The following PTPRN2 variants were observed in gnomAD, a reference collection of about 807,000 sequenced individuals.
PTPRN2 encodes receptor-type tyrosine-protein phosphatase N2.
PTPRN2 carries 74 observed loss-of-function variants against 118.8 expected under a neutral mutation model. The ratio of observed to expected loss-of-function variants is 0.62; its 90% CI spans 0.52 to 0.76. The LOEUF (loss-of-function observed/expected upper bound fraction) is 0.76, where lower values mean the gene tolerates loss of function less well. PTPRN2 is among the 30% of genes least tolerant of loss of function. PTPRN2 has a pLI of 0.00. For synonymous variants in PTPRN2, 641 were observed against 608.0 expected, an observed-to-expected ratio of 1.05 and a Z score of -0.80; for missense variants, 1,481 against 1,394.4, an observed-to-expected ratio of 1.06 and a Z score of -0.99.
At chr7:158,016,520 AC>A (rs375553268) in intron 11 of PTPRN2, among the ~76,000 whole-genome samples, 333 of 152,236 alleles carry the variant, frequency 2.2e-3, no homozygotes, top group African/African-American at 7.5e-3. Flanking sequence ...ATACACACAC[AC>A]CCATCAGATT....
At chr7:158,556,338 G>A (rs1203937319) in intron 1 of PTPRN2, among the ~76,000 whole-genome samples, 2 of 152,154 alleles carry the variant, frequency 1.3e-5, no homozygotes, top group South Asian at 2.1e-4. Flanking sequence ...CAGATCACCT[G>A]AGGTCAAGAG....
intron 1 of PTPRN2, among the ~76,000 whole-genome samples, chr7:158,521,642 A>C (rs1383173777): frequency 9.5e-6 from 1 of 105,414 alleles, no homozygotes; most frequent in Non-Finnish European, 1.8e-5. Context: ...CCACGTCACA[A>C]TGGTGGACTG....
intron 12 of PTPRN2, among the ~76,000 whole-genome samples, chr7:157,853,169 C>T (rs752395922): frequency 3.3e-5 from 5 of 152,332 alleles, no homozygotes; most frequent in Non-Finnish European, 5.9e-5. Flanking sequence ...AAGCAGCTCA[C>T]TGGCAACACC....
chr7:157,641,846 CTCCACATGTGGACGCACAAAGCTACCTG>C (rs2150695602), intron 14 of PTPRN2, among the ~76,000 whole-genome samples: 1 of 152,326 alleles, frequency 6.6e-6, no homozygotes, highest in South Asian at 2.1e-4. Flanking sequence ...TCAAGCACCA[CTCCACATGTGGACGCACAAAGCTACCTG>C]ACGTCTGGCT....
chr7:158,010,974 C>T (rs1249550893), intron 11 of PTPRN2, among the ~76,000 whole-genome samples: 1 of 152,208 alleles, frequency 6.6e-6, no homozygotes, highest in Non-Finnish European at 1.5e-5. Context: ...TAACAATCGC[C>T]TCCACGGAGA....
At chr7:158,085,185 C>CGACGCCCATCCACACCCTT (rs1461823221) in intron 10 of PTPRN2, among the ~76,000 whole-genome samples, 1 of 134,902 alleles carries the variant, frequency 7.4e-6, no homozygotes, top group African/African-American at 2.9e-5. Context: ...TCCACACCCA[C>CGACGCCCATCCACACCCTT]GACGCCCATC....
At chr7:158,270,813 GACC>G (rs1483849321) in intron 3 of PTPRN2, among the ~76,000 whole-genome samples, 19 of 11,486 alleles carry the variant, frequency 1.7e-3, no homozygotes, top group East Asian at 4.1e-3. Context: ...CCCTCACCTG[GACC>G]GCCCCCTCCA....
chr7:158,171,693 C>T (rs942001814), intron 5 of PTPRN2, among the ~76,000 whole-genome samples: 6 of 152,110 alleles, frequency 3.9e-5, no homozygotes, highest in Non-Finnish European at 5.9e-5. Flanking sequence ...ATCCACATCT[C>T]AACTGAGGAG....
At chr7:157,993,750 A>G (rs1349497943) in intron 11 of PTPRN2, among the ~76,000 whole-genome samples, 4 of 152,310 alleles carry the variant, frequency 2.6e-5, no homozygotes, top group Middle Eastern at 3.4e-3. Context: ...CTAGGTCGGA[A>G]GTTCAAATCT....
intron 12 of PTPRN2, among the ~76,000 whole-genome samples, chr7:157,846,861 C>T (rs1808852528): frequency 6.6e-6 from 1 of 151,378 alleles, no homozygotes. Context: ...CCCTCTCTCA[C>T]TCCATCACGT....
chr7:158,136,733 G>A (rs757539266), intron 7 of PTPRN2, 38 bp from the exon 8 acceptor site: 1 of 1,601,912 alleles, frequency 6.2e-7, no homozygotes, highest in Admixed American at 1.7e-5. Context: ...CCCTCATCAA[G>A]AATGTCATCA....
At chr7:158,577,934 C>T (rs1270625136) in intron 1 of PTPRN2, among the ~76,000 whole-genome samples, 1 of 152,168 alleles carries the variant, frequency 6.6e-6, no homozygotes, top group Non-Finnish European at 1.5e-5. Context: ...GCCATCCCCA[C>T]AGGCCAGGAA....
rs543257750 is a variant in PTPRN2, at chr7:157,901,234, C to T, written c.1724-2497G>A. Among the ~76,000 whole-genome samples the T allele has an allele frequency of 3.0e-4, 46 of 152,354 alleles. No homozygotes were observed. The South Asian group carries it at 7.3e-3, about 24-fold the overall frequency. ...GAATCCATTCACGAGGGATCTGCCC[C>T]GCCCCATCTGTCCCTCCCCCACATC... On this transcript the variant is annotated intron_variant, in intron 11 of 22. Transcript: ENST00000389418.
At chr7:157,665,281 C>T (rs561104089) in intron 13 of PTPRN2, among the ~76,000 whole-genome samples, 58 of 152,380 alleles carry the variant, frequency 3.8e-4, no homozygotes, top group African/African-American at 1.3e-3. Flanking sequence ...TCAGCCACAG[C>T]GGCCCAGTGT....
chr7:158,071,385 G>GTGGTGGTGGAGGTGCTCA (rs1811553050), intron 11 of PTPRN2, among the ~76,000 whole-genome samples: 2 of 40,006 alleles, frequency 5.0e-5, no homozygotes, highest in Admixed American at 2.8e-4. Flanking sequence ...GGAGGTGCTC[G>GTGGTGGTGGAGGTGCTCA]TGGTGGAGGT....
chr7:157,734,265 G>T lies in PTPRN2; in HGVS notation c.1789-51328C>A, dbSNP rs1391000521. 2.0e-3 allele frequency among the ~76,000 whole-genome samples: 140 copies of T among 68,742 alleles called. 3 individuals carry two copies. The highest frequency in any genetic ancestry group is 6.7e-3 in the African/African-American group (120 of 17,972). 45.1% of individuals were successfully genotyped at this position (68,742 alleles called of 152,430 possible). A position where few individuals can be genotyped will look rare whatever the true frequency, so the allele number is the denominator to read the frequency against. ...CCCAGCACACTCTTCCGTCCCATGT[G>T]CCCAGTGCAGTCTTCCGTCCCATGC... On this transcript the variant is annotated intron_variant, in intron 12 of 22. Coordinates refer to ENST00000389418, the MANE Select transcript of PTPRN2 (RefSeq NM_002847.5).
chr7:157,627,193 C>T lies in PTPRN2; in HGVS notation c.2197-5684G>A, dbSNP rs191110549. Reference sequence around the variant, plus strand: ...ACCGCACCTGCAGCTGGGTCTCCTCCGGGGCGTGAGCTCCTGGTGGTCAGG... The same window carrying T: ...ACCGCACCTGCAGCTGGGTCTCCTCTGGGGCGTGAGCTCCTGGTGGTCAGG... On this transcript the variant is annotated intron_variant, in intron 14 of 22. Transcript: ENST00000389418. The surrounding 1 kb of genome is among the most constrained non-coding windows in gnomAD (Gnocchi z 4.2). 1.4e-3 allele frequency among the ~76,000 whole-genome samples: 214 copies of T among 152,338 alleles called. No individual in the cohort carries two copies. The highest frequency in any genetic ancestry group is 4.6e-3 in the African/African-American group (191 of 41,560).
At chr7:157,694,658 A>C (rs558543771) in intron 12 of PTPRN2, among the ~76,000 whole-genome samples, 1 of 152,202 alleles carries the variant, frequency 6.6e-6, no homozygotes, top group African/African-American at 2.4e-5. Flanking sequence ...GGGCAGGAAA[A>C]TGTATCTTCT....
chr7:157,890,741 C>T (rs1796752055), intron 12 of PTPRN2, among the ~76,000 whole-genome samples: 1 of 152,232 alleles, frequency 6.6e-6, no homozygotes, highest in Non-Finnish European at 1.5e-5. Flanking sequence ...CACCTGCCCC[C>T]AGCACCACAG....
Sources: allele counts gnomAD v4.1 joint callset (sites outside exome capture counted in the v4.1 genomes callset), GRCh38; gene constraint gnomAD v4.1.1; non-coding constraint Gnocchi (gnomAD v3.1); transcripts MANE v1.5; gene names NCBI Gene and HGNC (gene_info 2026-07-23, HGNC 2026-07-21).